Variants in KNL1 observed in about 807,000 individuals in gnomAD.
KNL1 encodes the protein outer kinetochore KNL1 complex subunit KNL1.
In KNL1, 66 loss-of-function variants were observed where a neutral mutation model predicts 201.3. The ratio of observed to expected loss-of-function variants is 0.33; its 90% CI spans 0.27 to 0.40. The LOEUF is 0.40. Ranked by LOEUF, KNL1 falls within the 10% of genes least tolerant of loss-of-function variation. The pLI is 1.00. For missense variants in KNL1, 2,815 were observed against 2,690.5 expected (o/e 1.05, Z -1.02); for synonymous variants, 895 against 899.2 (o/e 1.00, Z 0.08).
chr15:40,662,343 C>T lies in KNL1; in HGVS notation c.*155C>T, dbSNP rs1213487536. The T allele has an allele frequency of 1.7e-6, 1 of 572,308 alleles. No individual in the cohort carries two copies. Among genetic ancestry groups the T allele is most frequent in the African/African-American group, 1.9e-5 (1 of 52,700 alleles). The allele number at this position is 572,308 out of a possible 1,614,324, so 35.5% of individuals were successfully genotyped here. A position where few individuals can be genotyped will look rare whatever the true frequency, so the allele number is the denominator to read the frequency against. On this transcript the variant is annotated 3_prime_UTR_variant, in exon 26 of 26. Transcript: ENST00000399668. Reference sequence around the variant, plus strand: ...AATCTGTATGTTTTTTATATCTCTGCAGAATGATGGTGATGAAGTCTGGAT... The same window carrying T: ...AATCTGTATGTTTTTTATATCTCTGTAGAATGATGGTGATGAAGTCTGGAT...
rs188856297 is a variant in KNL1, at chr15:40,646,347, A to G, written c.6006+575A>G. On this transcript the variant is annotated intron_variant, in intron 16 of 25. Coordinates refer to ENST00000399668, the MANE Select transcript of KNL1 (RefSeq NM_144508.5). ...AATAAATATTAATATATTGTATTCC[A>G]TGGAACACCTATAGAAATGCTAAAA... is the stretch of plus-strand genomic sequence containing the variant. 2.7e-4 allele frequency among the ~76,000 whole-genome samples: 41 copies of G among 152,172 alleles called. 1 individual carries two copies. The East Asian group carries it at 7.5e-3, about 28-fold the overall frequency.
At position 40,624,774 on chromosome 15, in the gene KNL1, A is replaced by G. The variant is rs766141959; in HGVS notation, c.4510A>G (p.Lys1504Glu). The G allele has an allele frequency of 1.2e-6, 2 of 1,613,818 alleles. No homozygotes were observed. Among genetic ancestry groups the G allele is most frequent in the Non-Finnish European group, 1.7e-6 (2 of 1,179,896 alleles). The change falls in exon 10 of 26, where the codon AAA becomes GAA. Residue 1504 changes from lysine to glutamate, a missense_variant. Transcript: ENST00000399668. ...TGAGGAATGGTTTGCTGCAGCCTGT[A>G]AAAAAGAACTGAAGGAAAATATTCA... ...NSEEWFAAAC[K>E]KELKENIQTT... is the part of the protein sequence containing the mutation.
At chr15:40,644,306 A>C (rs1454721912) in intron 14 of KNL1, among the ~76,000 whole-genome samples, 3 of 152,228 alleles carry the variant, frequency 2.0e-5, no homozygotes, top group African/African-American at 7.2e-5. Flanking sequence ...CAAACATCTC[A>C]GTGGAGTAAA....
intron 22 of KNL1, among the ~76,000 whole-genome samples, chr15:40,655,180 C>A (rs1893687889): frequency 6.6e-6 from 1 of 151,924 alleles, no homozygotes; most frequent in Non-Finnish European, 1.5e-5. Context: ...CTCCTGTAGC[C>A]CTAGCTACTC....
intron 13 of KNL1, among the ~76,000 whole-genome samples, chr15:40,632,841 G>A (rs1892951830): frequency 6.6e-6 from 1 of 152,064 alleles, no homozygotes; most frequent in Non-Finnish European, 1.5e-5. Context: ...GCAACATAGT[G>A]AGACCCCATC....
At chr15:40,640,639 T>A (rs1394113668) in intron 13 of KNL1, among the ~76,000 whole-genome samples, 1 of 152,180 alleles carries the variant, frequency 6.6e-6, no homozygotes, top group African/African-American at 2.4e-5. Context: ...AGGTAATATT[T>A]ATTTTCTTAA....
At chr15:40,633,395 A>C (rs1026965865) in intron 13 of KNL1, among the ~76,000 whole-genome samples, 5 of 151,892 alleles carry the variant, frequency 3.3e-5, no homozygotes, top group Admixed American at 6.6e-5. Flanking sequence ...CACATTACTC[A>C]CATGTTTGTG....
rs191628831 is a variant in KNL1 at position 40,601,688 on chromosome 15, G to T, written c.-17-1227G>T. On this transcript the variant is annotated intron_variant, in intron 1 of 25. Transcript: ENST00000399668. Reference sequence around the variant, plus strand: ...CAAAAAAAATTAGCCGGGCGCGGTCGTGGGCGCCTGTAGTCCCAGCTACTC... The same window carrying T: ...CAAAAAAAATTAGCCGGGCGCGGTCTTGGGCGCCTGTAGTCCCAGCTACTC... 1.9e-3 allele frequency among the ~76,000 whole-genome samples: 284 copies of T among 151,394 alleles called. 1 individual carries two copies. The highest frequency in any genetic ancestry group is 6.5e-3 in the African/African-American group (268 of 41,436).
intron 1 of KNL1, among the ~76,000 whole-genome samples, chr15:40,599,740 TAGTA>T (rs1230094718): frequency 6.6e-6 from 1 of 151,836 alleles, no homozygotes; most frequent in Admixed American, 6.6e-5. Context: ...TTTAATCTGT[TAGTA>T]AGGTAAATTG....
At position 40,624,637 on chromosome 15, in the gene KNL1, G is replaced by C; in HGVS notation, c.4373G>C (p.Ser1458Thr). The C allele has an allele frequency of 6.2e-7, 1 of 1,613,864 alleles. No individual in the cohort carries two copies. The highest frequency in any genetic ancestry group is 1.1e-5 in the South Asian group (1 of 91,080). ...CCTCCATTACCTAAAAAAGGACAGA[G>C]TAGTATCAATAAAGAAGAAGTAATA... Reference protein sequence around the residue: ...DQPPLPKKGQSSINKEEVILS... With the variant: ...DQPPLPKKGQTSINKEEVILS... Residue 1458 changes from serine to threonine, a missense_variant, in exon 10 of 26, where the codon AGT becomes ACT. Transcript: ENST00000399668.
At position 40,645,071 on chromosome 15, in the gene KNL1, A is replaced by C; in HGVS notation, c.5873A>C (p.His1958Pro). 4 of 1,608,836 alleles carry C rather than the reference A, an allele frequency of 2.5e-6. No homozygotes were observed. Among genetic ancestry groups the C allele is most frequent in the Non-Finnish European group, 3.4e-6 (4 of 1,176,142 alleles). Residue 1958 changes from histidine to proline, a missense_variant, in exon 15 of 26, where the codon CAC becomes CCC. His to Pro is a moderately conservative substitution (Grantham distance 77). Transcript: ENST00000399668. ...INKNLWEKMR[H>P]CSDKELKAFG... is the part of the protein sequence containing the mutation. ...AAGAACCTGTGGGAAAAAATGAGAC[A>C]CTGCTCTGACAAAGAGGTACTTTTG...
intron 17 of KNL1, among the ~76,000 whole-genome samples, chr15:40,647,606 G>T (rs1010716127): frequency 3.3e-5 from 5 of 152,116 alleles, no homozygotes; most frequent in African/African-American, 9.7e-5. Flanking sequence ...TTTAATAGAT[G>T]AATTTATCTC....
chr15:40,622,745 G>T lies in KNL1; in HGVS notation c.2481G>T (p.Val827=). The part of the protein sequence containing the change: ...GVLKSNCIMD[V]LEDESVQKPK... ...TTAAATCTAACTGTATTATGGATGT[G>T]TTAGAGGACGAAAGTGTACAGAAAC... is the stretch of plus-strand genomic sequence containing the variant. Residue 827 remains valine (V), a synonymous_variant, in exon 10 of 26, where the codon GTG becomes GTT. Transcript: ENST00000399668. The T allele has an allele frequency of 6.2e-7, 1 of 1,604,962 alleles. No homozygotes were observed. Among genetic ancestry groups the T allele is most frequent in the Non-Finnish European group, 8.5e-7 (1 of 1,176,732 alleles).
At chr15:40,618,145 C>A (rs1334303388) in intron 8 of KNL1, among the ~76,000 whole-genome samples, 1 of 151,654 alleles carries the variant, frequency 6.6e-6, no homozygotes, top group Non-Finnish European at 1.5e-5. Flanking sequence ...CCTTTTGAAT[C>A]CCTTCCTTAT....
chr15:40,650,125 G>GAAAA, intron 17 of KNL1, 176 bp from the exon 18 acceptor site: 2 of 383,778 alleles, frequency 5.2e-6, no homozygotes, highest in Non-Finnish European at 9.1e-6. Flanking sequence ...CTCTTTCACA[G>GAAAA]AAAAAAAAAA....
chr15:40,650,522 T>C (rs779865509), intron 18 of KNL1, 22 bp from the exon 19 acceptor site: 29 of 1,551,588 alleles, frequency 1.9e-5, no homozygotes, highest in Non-Finnish European at 2.4e-5. Context: ...GTTCTGTTTT[T>C]TTTTTTTTTC....
chr15:40,616,358 C>T (rs1211527999), intron 8 of KNL1, among the ~76,000 whole-genome samples: 3 of 151,754 alleles, frequency 2.0e-5, no homozygotes, highest in Non-Finnish European at 2.9e-5. Flanking sequence ...AACTCCTGAC[C>T]TCAGGTGATC....
rs944140700 is a variant in KNL1, at chr15:40,652,540, T to C, written c.6415+435T>C. On this transcript the variant is annotated intron_variant, in intron 21 of 25. Coordinates refer to ENST00000399668, the MANE Select transcript of KNL1 (RefSeq NM_144508.5). ...CTCCCAACACTTTGGGAGGCTGAGG[T>C]GGGCGGATCATCTGAGGTCAGGAGT... 1.4e-4 allele frequency among the ~76,000 whole-genome samples: 21 copies of C among 145,706 alleles called. 3 individuals carry two copies. The highest frequency in any genetic ancestry group is 4.9e-4 in the Admixed American group (7 of 14,200).
chr15:40,621,360 A>G lies in KNL1; in HGVS notation c.1096A>G (p.Ser366Gly), dbSNP rs373832235. ...TTCAGGAAATAAAACAGTTTTTAAG[A>G]GTAAACAAAATACTGCTTTTCAAGA... is the stretch of plus-strand genomic sequence containing the variant. The part of the protein sequence containing the change: ...KASGNKTVFK[S>G]KQNTAFQDLS... Residue 366 changes from serine (S) to glycine (G), a missense_variant, in exon 10 of 26, where the codon AGT (serine) becomes GGT (glycine). This residue lies in a region of KNL1 where 2,464 missense variants were observed against 2,291.7 expected (regional missense o/e 1.08). Transcript: ENST00000399668. The G allele has an allele frequency of 1.9e-6, 3 of 1,611,804 alleles. No individual in the cohort carries two copies. Among genetic ancestry groups the G allele is most frequent in the Non-Finnish European group, 2.5e-6 (3 of 1,178,676 alleles).
Sources: gnomAD v4.1 joint callset for allele counts (sites outside exome capture counted in the v4.1 genomes callset) on GRCh38, gnomAD v4.1.1 for gene constraint, gnomAD v4.1.1 regional missense constraint, MANE v1.5 for transcripts, NCBI Gene and HGNC (gene_info 2026-07-23, HGNC 2026-07-21) for gene names.